CSNK1A1L: variants seen among roughly 807,000 people sequenced by gnomAD.
CSNK1A1L encodes the protein casein kinase I isoform alpha-like.
CSNK1A1L carries 20 observed loss-of-function variants against 24.6 expected under a neutral mutation model. The observed-to-expected ratio is 0.81, with a 90% CI of 0.57 to 1.18. The LOEUF is 1.18. Among genes scored for constraint, CSNK1A1L ranks in the 50% most tolerant of loss-of-function variants. The pLI, the probability that CSNK1A1L is intolerant of heterozygous loss-of-function variation, is 0.00. For missense variants in CSNK1A1L, 414 were observed against 419.0 expected (o/e 0.99, Z 0.10); for synonymous variants, 152 against 154.0 (o/e 0.99, Z 0.09).
chr13:37,105,320 C>T lies in CSNK1A1L; in HGVS notation c.-64G>A, dbSNP rs904947555. 1.8e-5 allele frequency: 28 copies of T among 1,526,656 alleles called. No homozygotes were observed. Among genetic ancestry groups the T allele is most frequent in the Middle Eastern group, 1.8e-4 (1 of 5,472 alleles). The allele number at this position is 1,526,656 out of a possible 1,614,324, so 94.6% of individuals were successfully genotyped here. A position where few individuals can be genotyped will look rare whatever the true frequency, so the allele number is the denominator to read the frequency against. Reference sequence around the variant, plus strand: ...CCCTCTAGGGGAGGATGGAGGCCTCCGGGGCCCACCGGCCCGCAAGGCTGA... The same window carrying T: ...CCCTCTAGGGGAGGATGGAGGCCTCTGGGGCCCACCGGCCCGCAAGGCTGA... On this transcript the variant is annotated 5_prime_UTR_variant, in exon 1 of 1. Coordinates refer to ENST00000379800, the MANE Select transcript of CSNK1A1L (RefSeq NM_145203.6).
In CSNK1A1L at chr13:37,104,635, C is replaced by T. The variant is rs377590248; in HGVS notation, c.622G>A (p.Gly208Ser). The T allele has an allele frequency of 2.0e-5, 32 of 1,614,060 alleles. No individual in the cohort carries two copies. In the African/African-American group the frequency reaches 4.0e-4, roughly 20 times the overall value. Residue 208 changes from glycine (G) to serine (S), a missense_variant, in exon 1 of 1, where the codon GGC (glycine) becomes AGC (serine). Gly to Ser is a moderately conservative substitution (Grantham distance 56). Coordinates refer to ENST00000379800, the MANE Select transcript of CSNK1A1L (RefSeq NM_145203.6). ...CTATTAAAATACATGAAAACGTAGCCTAAGGATTCCATGTCATCTCGGCGG... is the reference window on the plus strand; with the variant it reads ...CTATTAAAATACATGAAAACGTAGCTTAAGGATTCCATGTCATCTCGGCGG... The part of the protein sequence containing the change: ...QSRRDDMESL[G>S]YVFMYFNRTS...
chr13:37,105,535 G>A lies in CSNK1A1L; in HGVS notation c.-279C>T, dbSNP rs1465284129. 2.4e-6 allele frequency: 1 copy of A among 413,260 alleles called. No homozygotes were observed. The highest frequency in any genetic ancestry group is 4.3e-5 in the East Asian group (1 of 23,112). The allele number at this position is 413,260 out of a possible 1,614,324, so 25.6% of individuals were successfully genotyped here. The stretch of plus-strand genomic sequence containing the variant: ...GCCTCGCTGTCGTGGCGATGTCGTG[G>A]GCTGAGAAAGGGGGCACAGCGAGTT... On this transcript the variant is annotated 5_prime_UTR_variant, in exon 1 of 1. Transcript: ENST00000379800.
Position 37,105,103 on chromosome 13 carries a change from CCTT to C in CSNK1A1L, c.151_153del (p.Lys51del), listed in dbSNP as rs1245305399. 1 of 1,613,992 alleles carries C rather than the reference CCTT, an allele frequency of 6.2e-7. No individual in the cohort carries two copies. Among genetic ancestry groups the C allele is most frequent in the Non-Finnish European group, 8.5e-7 (1 of 1,180,014 alleles). On this transcript the variant is annotated inframe_deletion, in exon 1 of 1. Coordinates refer to ENST00000379800, the MANE Select transcript of CSNK1A1L (RefSeq NM_145203.6). Reference sequence around the variant, plus strand: ...TCATACAGCAACTGGGGGTGCTTGACCTTCTGAGATTCCAGCTTCACTGCTACG... The same window carrying C: ...TCATACAGCAACTGGGGGTGCTTGACCTGAGATTCCAGCTTCACTGCTACG...
Position 37,104,847 on chromosome 13 carries a change from A to G in CSNK1A1L, c.410T>C (p.Ile137Thr). 6.2e-7 allele frequency: 1 copy of G among 1,613,998 alleles called. No individual in the cohort carries two copies. The highest frequency in any genetic ancestry group is 2.2e-5 in the East Asian group (1 of 44,858). Residue 137 changes from isoleucine to threonine, a missense_variant, in exon 1 of 1, where the codon ATT becomes ACT. By Grantham distance (89) the Ile-to-Thr change is moderately conservative. Transcript: ENST00000379800. ...ACCCATCAGGAAGTTATCTGGTTTA[A>G]TGTCTCGGTGTAGAAAATTCTTTGT... ...VHTKNFLHRDIKPDNFLMGTG... is the reference protein window; with the variant it reads ...VHTKNFLHRDTKPDNFLMGTG...
rs563320683 is a variant in CSNK1A1L at position 37,105,213 on chromosome 13, C to T, written c.44G>A (p.Gly15Glu). 9 of 1,614,190 alleles carry T rather than the reference C, an allele frequency of 5.6e-6. No homozygotes were observed. The highest frequency in any genetic ancestry group is 7.6e-6 in the Non-Finnish European group (9 of 1,180,038). The change falls in exon 1 of 1, where the codon GGG becomes GAG. Residue 15 changes from glycine (G) to glutamate (E), a missense_variant. Physicochemically the swap from Gly to Glu is moderately conservative, Grantham distance 98 (BLOSUM62 -2). Coordinates refer to ENST00000379800, the MANE Select transcript of CSNK1A1L (RefSeq NM_145203.6). ...GATCTTCCGCACCAGTTTGTATTTC[C>T]CTCCCACAACGAGTTCGGCTTTGGA... is the stretch of plus-strand genomic sequence containing the variant. ...SGSKAELVVG[G>E]KYKLVRKIGS...
chr13:37,104,514 A>G lies in CSNK1A1L; in HGVS notation c.743T>C (p.Leu248Ser), dbSNP rs765702339. The change falls in exon 1 of 1, where the codon TTA becomes TCA. Residue 248 changes from leucine to serine, a missense_variant. Coordinates refer to ENST00000379800, the MANE Select transcript of CSNK1A1L (RefSeq NM_145203.6). ...GAATTCTGCAGGAAACCCCTTACAT[A>G]AAACTTCAACAGGGGTGGACATCTT... The part of the protein sequence containing the change: ...EKKMSTPVEV[L>S]CKGFPAEFAM... 4 of 1,614,114 alleles carry G rather than the reference A, an allele frequency of 2.5e-6. No individual in the cohort carries two copies. Among genetic ancestry groups the G allele is most frequent in the Non-Finnish European group, 3.4e-6 (4 of 1,180,056 alleles).
In CSNK1A1L at chr13:37,104,070, G is replaced by T; in HGVS notation, c.*173C>A. On this transcript the variant is annotated 3_prime_UTR_variant, in exon 1 of 1. Transcript: ENST00000379800. ...TACAGAGGCTACACTTTGGGATACA[G>T]CATCACCAACGCTCCCCAGAGTCAG... is the stretch of plus-strand genomic sequence containing the variant. 1.4e-6 allele frequency: 1 copy of T among 736,986 alleles called. No individual in the cohort carries two copies. The highest frequency in any genetic ancestry group is 2.2e-6 in the Non-Finnish European group (1 of 453,458). The allele number at this position is 736,986 out of a possible 1,614,324, so 45.7% of individuals were successfully genotyped here. A position where few individuals can be genotyped will look rare whatever the true frequency, so the allele number is the denominator to read the frequency against.
At position 37,105,637 on chromosome 13, in the gene CSNK1A1L, T is replaced by G. The variant is rs1355087959; in HGVS notation, c.-381A>C. 1 of 207,256 alleles carries G rather than the reference T, an allele frequency of 4.8e-6. No homozygotes were observed. Among genetic ancestry groups the G allele is most frequent in the East Asian group, 1.4e-4 (1 of 7,240 alleles). The allele number at this position is 207,256 out of a possible 1,614,324, so 12.8% of individuals were successfully genotyped here. On this transcript the variant is annotated 5_prime_UTR_variant, in exon 1 of 1. Transcript: ENST00000379800. ...CGGTCACGCCGCCGGCGCCGCCATT[T>G]TGTTCCTCCACCTCAGCCAACCACA...
At chr13:37,105,245 GTTGT>G in the CSNK1A1L span, 5 of 1,608,716 alleles carry the variant, frequency 3.1e-6, no homozygotes, top group Admixed American at 3.3e-5. Flanking sequence ...TGGAGCCGCT[GTTGT>G]TTGTCATCCT....
At chr13:37,104,869 TTGTA>T in the CSNK1A1L span, 1 of 1,614,100 alleles carries the variant, frequency 6.2e-7, no homozygotes, top group Non-Finnish European at 8.5e-7. Context: ...AGAAAATTCT[TTGTA>T]TGCACGTATT....
rs1209445017 is a variant in CSNK1A1L at position 37,104,572 on chromosome 13, T to G, written c.685A>C (p.Lys229Gln). The change falls in exon 1 of 1, where the codon AAA (lysine) becomes CAA (glutamine). Residue 229 changes from lysine (K) to glutamine (Q), a missense_variant. Coordinates refer to ENST00000379800, the MANE Select transcript of CSNK1A1L (RefSeq NM_145203.6). ...CTAATCTTTTCATATTTTTGTTTTT[T>G]TGTCATAGCCCTTAGTCCTTGCCAC... The part of the protein sequence containing the change: ...LPWQGLRAMT[K>Q]KQKYEKISEK... The G allele has an allele frequency of 1.2e-6, 2 of 1,614,108 alleles. No homozygotes were observed. The highest frequency in any genetic ancestry group is 1.7e-6 in the Non-Finnish European group (2 of 1,180,052).
chr13:37,104,135 T>G lies in CSNK1A1L; in HGVS notation c.*108A>C. The G allele has an allele frequency of 1.4e-6, 2 of 1,427,540 alleles. No individual in the cohort carries two copies. The highest frequency in any genetic ancestry group is 1.9e-6 in the Non-Finnish European group (2 of 1,030,254). The allele number at this position is 1,427,540 out of a possible 1,614,324, so 88.4% of individuals were successfully genotyped here. A position where few individuals can be genotyped will look rare whatever the true frequency, so the allele number is the denominator to read the frequency against. Reference sequence around the variant, plus strand: ...AAGTTTTTTACACCAACTAAATGGTTGTTCACAGCCACTAGCTGGTGTACA... The same window carrying G: ...AAGTTTTTTACACCAACTAAATGGTGGTTCACAGCCACTAGCTGGTGTACA... On this transcript the variant is annotated 3_prime_UTR_variant, in exon 1 of 1. Coordinates refer to ENST00000379800, the MANE Select transcript of CSNK1A1L (RefSeq NM_145203.6).
rs1407823735 is a variant in CSNK1A1L, at chr13:37,104,932, T to C, written c.325A>G (p.Thr109Ala). ...DLFNFCSRRF[T>A]MKTVLMLADQ... ...GCTAACATAAGTACAGTTTTCATGGTGAACCTTCTTGAACAGAAATTAAAG... is the reference window on the plus strand; with the variant it reads ...GCTAACATAAGTACAGTTTTCATGGCGAACCTTCTTGAACAGAAATTAAAG... Residue 109 changes from threonine (T) to alanine (A), a missense_variant, in exon 1 of 1, where the codon ACC (threonine) becomes GCC (alanine). By Grantham distance (58) the Thr-to-Ala change is moderately conservative. Coordinates refer to ENST00000379800, the MANE Select transcript of CSNK1A1L (RefSeq NM_145203.6). 3.1e-6 allele frequency: 5 copies of C among 1,614,056 alleles called. No homozygotes were observed. The Admixed American group carries it at 6.7e-5, about 22-fold the overall frequency.
At position 37,103,739 on chromosome 13, in the gene CSNK1A1L, A is replaced by C. The variant is rs2070760305; in HGVS notation, c.*504T>G. The C allele has an allele frequency of 6.0e-6, 1 of 165,612 alleles. No individual in the cohort carries two copies. The highest frequency in any genetic ancestry group is 1.3e-5 in the Non-Finnish European group (1 of 75,120). 10.3% of individuals were successfully genotyped at this position (165,612 alleles called of 1,614,324 possible). A position where few individuals can be genotyped will look rare whatever the true frequency, so the allele number is the denominator to read the frequency against. ...TACTACTAGATCAGCTGGCTTACAG[A>C]CAAGAAGCCAACCATTTTAAGAATG... On this transcript the variant is annotated 3_prime_UTR_variant, in exon 1 of 1. Transcript: ENST00000379800.
At position 37,104,567 on chromosome 13, in the gene CSNK1A1L, T is replaced by A. The variant is rs56252523; in HGVS notation, c.690A>T (p.Lys230Asn). The A allele has an allele frequency of 4.6e-4, 747 of 1,614,130 alleles. 16 individuals carry two copies. In the East Asian group the frequency reaches 0.012, roughly 27 times the overall value. The change falls in exon 1 of 1, where the codon AAA becomes AAT. Residue 230 changes from lysine (K) to asparagine (N), a missense_variant. Lys to Asn is a moderately conservative substitution (Grantham distance 94, BLOSUM62 0). Transcript: ENST00000379800. ...PWQGLRAMTK[K>N]QKYEKISEKK... ...TCTCACTAATCTTTTCATATTTTTG[T>A]TTTTTTGTCATAGCCCTTAGTCCTT...
chr13:37,104,569 T>C lies in CSNK1A1L; in HGVS notation c.688A>G (p.Lys230Glu). The change falls in exon 1 of 1, where the codon AAA (lysine) becomes GAA (glutamate). Residue 230 changes from lysine (K) to glutamate (E), a missense_variant. Transcript: ENST00000379800. ...PWQGLRAMTK[K>E]QKYEKISEKK... ...TCACTAATCTTTTCATATTTTTGTT[T>C]TTTTGTCATAGCCCTTAGTCCTTGC... 3 of 1,614,216 alleles carry C rather than the reference T, an allele frequency of 1.9e-6. No individual in the cohort carries two copies. The highest frequency in any genetic ancestry group is 1.7e-6 in the Non-Finnish European group (2 of 1,180,036).
chr13:37,105,218 CACA>C lies in CSNK1A1L; in HGVS notation c.36_38del (p.Val13del), dbSNP rs2070770301. Reference sequence around the variant, plus strand: ...TCCGCACCAGTTTGTATTTCCCTCCCACAACGAGTTCGGCTTTGGAGCCGCTGT... The same window carrying C: ...TCCGCACCAGTTTGTATTTCCCTCCCACGAGTTCGGCTTTGGAGCCGCTGT... On this transcript the variant is annotated inframe_deletion, in exon 1 of 1. Coordinates refer to ENST00000379800, the MANE Select transcript of CSNK1A1L (RefSeq NM_145203.6). 4.3e-6 allele frequency: 7 copies of C among 1,614,172 alleles called. No individual in the cohort carries two copies. Among genetic ancestry groups the C allele is most frequent in the Non-Finnish European group, 5.9e-6 (7 of 1,180,028 alleles).
In CSNK1A1L at chr13:37,104,285, G is replaced by C. The variant is rs1372078861; in HGVS notation, c.972C>G (p.Gly324=). ...TATTCTTGTTTTTTTCAGTTTGCTTGCCTGTCTGGGTTTGGGCCTGCTGAC... is the reference window on the plus strand; with the variant it reads ...TATTCTTGTTTTTTTCAGTTTGCTTCCCTGTCTGGGTTTGGGCCTGCTGAC... The part of the protein sequence containing the change: ...GQGQQAQTQT[G]KQTEKNKNNV... The change falls in exon 1 of 1, where the codon GGC becomes GGG. Residue 324 remains glycine, a synonymous_variant. Coordinates refer to ENST00000379800, the MANE Select transcript of CSNK1A1L (RefSeq NM_145203.6). The C allele has an allele frequency of 6.2e-7, 1 of 1,613,990 alleles. No homozygotes were observed. The highest frequency in any genetic ancestry group is 8.5e-7 in the Non-Finnish European group (1 of 1,180,028).
chr13:37,104,101 A>G lies in CSNK1A1L; in HGVS notation c.*142T>C. On this transcript the variant is annotated 3_prime_UTR_variant, in exon 1 of 1. Coordinates refer to ENST00000379800, the MANE Select transcript of CSNK1A1L (RefSeq NM_145203.6). ...CCAACGCTCCCCAGAGTCAGTTTAT[A>G]TTGAAATAAAGTTTTTTACACCAAC... 9.5e-7 allele frequency: 1 copy of G among 1,049,620 alleles called. No homozygotes were observed. Among genetic ancestry groups the G allele is most frequent in the Middle Eastern group, 2.1e-4 (1 of 4,720 alleles). 65.0% of individuals were successfully genotyped at this position (1,049,620 alleles called of 1,614,324 possible).
Sources: allele counts gnomAD v4.1 joint callset, GRCh38; gene constraint gnomAD v4.1.1; transcripts MANE v1.5; gene names NCBI Gene and HGNC (gene_info 2026-07-23, HGNC 2026-07-21).